TRUB2: variants seen among roughly 807,000 people sequenced by gnomAD.
TRUB2 encodes TruB pseudouridine synthase family member 2.
In TRUB2, 31 loss-of-function variants were observed where a neutral mutation model predicts 31.9. That is an observed-to-expected ratio of 0.97 (90% CI 0.73 to 1.31). TRUB2 has a LOEUF of 1.31. TRUB2 is among the 50% of genes most tolerant of loss of function. The pLI, the probability that TRUB2 is intolerant of heterozygous loss-of-function variation, is 0.00. For missense variants in TRUB2, 451 were observed against 439.6 expected, an observed-to-expected ratio of 1.03 and a Z score of -0.23; for synonymous variants, 201 against 182.6, an observed-to-expected ratio of 1.10 and a Z score of -0.81.
intron 5 of TRUB2, 58 bp from the exon 6 acceptor site, chr9:128,311,659 A>C (rs1487127141): frequency 1.3e-6 from 2 of 1,576,774 alleles, no homozygotes; most frequent in South Asian, 2.2e-5. Flanking sequence ...GGTCACAGCA[A>C]ACTCCTTCCC....
rs1588518057 is a variant in TRUB2 at position 128,308,848 on chromosome 9, C to G, written c.*702G>C. On this transcript the variant is annotated 3_prime_UTR_variant, in exon 8 of 8. Transcript: ENST00000372890. Reference sequence around the variant, plus strand: ...ATCACTTGAACCTGGGAGGCGGAGGCTGCAGTGAGCAAAGATGGCGCCACT... The same window carrying G: ...ATCACTTGAACCTGGGAGGCGGAGGGTGCAGTGAGCAAAGATGGCGCCACT... 6.6e-6 allele frequency: 1 copy of G among 150,550 alleles called. No individual in the cohort carries two copies. Among genetic ancestry groups the G allele is most frequent in the Non-Finnish European group, 1.5e-5 (1 of 67,564 alleles). The allele number at this position is 150,550 out of a possible 1,614,324, so 9.3% of individuals were successfully genotyped here.
intron 2 of TRUB2, among the ~76,000 whole-genome samples, chr9:128,320,977 C>T (rs1370179662): frequency 6.6e-6 from 1 of 152,022 alleles, no homozygotes; most frequent in Non-Finnish European, 1.5e-5. Flanking sequence ...TTAGTAGAGA[C>T]GGGGTTTCAC....
At chr9:128,316,813 G>C (rs1832076546) in intron 3 of TRUB2, 1 of 234,966 alleles carries the variant, frequency 4.3e-6, no homozygotes, top group Non-Finnish European at 8.3e-6. Flanking sequence ...ACTGGCCATG[G>C]GACCCAGAAC....
intron 5 of TRUB2, 148 bp downstream of exon 5, chr9:128,313,660 C>T (rs888389522): frequency 2.7e-5 from 19 of 713,182 alleles, no homozygotes; most frequent in Middle Eastern, 8.1e-4. Flanking sequence ...GAGGATGCTC[C>T]TGGAGCACAG....
At chr9:128,313,397 G>C (rs1248859445) in intron 5 of TRUB2, among the ~76,000 whole-genome samples, 1 of 150,600 alleles carries the variant, frequency 6.6e-6, no homozygotes. Flanking sequence ...AAAGCCGGGC[G>C]TGGTGGCGGG....
At chr9:128,320,081 A>C (rs1832137623) in intron 2 of TRUB2, among the ~76,000 whole-genome samples, 1 of 150,182 alleles carries the variant, frequency 6.7e-6, no homozygotes, top group Non-Finnish European at 1.5e-5. Context: ...ACGCCCGGCT[A>C]ATTTCTTTGT....
In TRUB2 at chr9:128,311,195, G is replaced by A. The variant is rs1422250331; in HGVS notation, c.534-172C>T. 44 of 875,438 alleles carry A rather than the reference G, an allele frequency of 5.0e-5. 1 individual carries two copies. The Admixed American group carries it at 1.1e-3, about 23-fold the overall frequency. 54.2% of individuals were successfully genotyped at this position (875,438 alleles called of 1,614,324 possible). ...GTGCCTGGTAGAGTCAGGAAACCCA[G>A]GCAAGCTGGCTCCAGAGCCCAAGCT... On this transcript the variant is annotated intron_variant, in intron 6 of 7. Transcript: ENST00000372890.
chr9:128,309,759 A>G lies in TRUB2; in HGVS notation c.787T>C (p.Phe263Leu), dbSNP rs1392655089. The change falls in exon 8 of 8, where the codon TTC (phenylalanine) becomes CTC (leucine). Residue 263 changes from phenylalanine to leucine, a missense_variant. Transcript: ENST00000372890. ...CTCAGGAGGGCACTGTCTAGCGTGAAGAAGCCGTCGCGCGTGCGCCGCACT... is the reference window on the plus strand; with the variant it reads ...CTCAGGAGGGCACTGTCTAGCGTGAGGAAGCCGTCGCGCGTGCGCCGCACT... Reference protein sequence around the residue: ...TQVRRTRDGFFTLDSALLRTQ... With the variant: ...TQVRRTRDGFLTLDSALLRTQ... The G allele has an allele frequency of 1.2e-6, 2 of 1,614,134 alleles. No homozygotes were observed. The highest frequency in any genetic ancestry group is 1.3e-5 in the African/African-American group (1 of 74,950).
intron 2 of TRUB2, among the ~76,000 whole-genome samples, chr9:128,318,727 T>G (rs755366017): frequency 2.0e-5 from 3 of 151,402 alleles, no homozygotes; most frequent in Admixed American, 2.0e-4. Context: ...AGAGACGGAG[T>G]TTCATCATGT....
chr9:128,310,690 C>T (rs1446606527), intron 7 of TRUB2, among the ~76,000 whole-genome samples, 197 bp downstream of exon 7: 1 of 152,080 alleles, frequency 6.6e-6, no homozygotes, highest in African/African-American at 2.4e-5. Flanking sequence ...TTTTGTTCTG[C>T]GAGCTCTGTC....
Position 128,307,541 on chromosome 9 carries a change from G to C in TRUB2, c.*2009C>G, listed in dbSNP as rs987093162. On this transcript the variant is annotated 3_prime_UTR_variant, in exon 8 of 8. Transcript: ENST00000372890. ...AGGTCAGGAGTTCCAGACCAGCCTG[G>C]CCAACATAGTGAAACCCTGTCTCTA... 2.0e-5 allele frequency: 3 copies of C among 151,870 alleles called. No homozygotes were observed. Among genetic ancestry groups the C allele is most frequent in the African/African-American group, 7.3e-5 (3 of 41,320 alleles). The allele number at this position is 151,870 out of a possible 1,614,324, so 9.4% of individuals were successfully genotyped here.
In TRUB2 at chr9:128,308,922, T is replaced by G. The variant is rs919466323; in HGVS notation, c.*628A>C. On this transcript the variant is annotated 3_prime_UTR_variant, in exon 8 of 8. Coordinates refer to ENST00000372890, the MANE Select transcript of TRUB2 (RefSeq NM_015679.3). Reference sequence around the variant, plus strand: ...GAAAAACAACAAAAATCATCTCATTTTCATCTGTGTCTTCCAGTATTAAAG... The same window carrying G: ...GAAAAACAACAAAAATCATCTCATTGTCATCTGTGTCTTCCAGTATTAAAG... 6.6e-6 allele frequency: 1 copy of G among 152,056 alleles called. No homozygotes were observed. Among genetic ancestry groups the G allele is most frequent in the Non-Finnish European group, 1.5e-5 (1 of 68,028 alleles). 9.4% of individuals were successfully genotyped at this position (152,056 alleles called of 1,614,324 possible).
intron 7 of TRUB2, among the ~76,000 whole-genome samples, chr9:128,310,494 C>A (rs1479321669): frequency 1.3e-5 from 2 of 151,632 alleles, no homozygotes; most frequent in East Asian, 1.9e-4. Context: ...GGGGCGGGCG[C>A]AGGCAGAGAC....
intron 1 of TRUB2, among the ~76,000 whole-genome samples, chr9:128,322,001 T>G (rs1011157005): frequency 1.3e-5 from 2 of 152,104 alleles, no homozygotes; most frequent in African/African-American, 4.8e-5. Flanking sequence ...AAGTATGATG[T>G]AGAAGACAAA....
intron 4 of TRUB2, among the ~76,000 whole-genome samples, chr9:128,314,709 G>A (rs750018578): frequency 4.6e-5 from 7 of 152,206 alleles, no homozygotes; most frequent in Non-Finnish European, 7.4e-5. Flanking sequence ...AGGAGCCACT[G>A]AGCCCGGCCA....
In TRUB2 at chr9:128,306,148, G is replaced by C. The variant is rs1831861917; in HGVS notation, c.*3402C>G. On this transcript the variant is annotated 3_prime_UTR_variant, in exon 8 of 8. Coordinates refer to ENST00000372890, the MANE Select transcript of TRUB2 (RefSeq NM_015679.3). ...CTCCTTATCCAAGTGATTTGGGGTG[G>C]TATTCCCAGCTGTCTGAGGCTGTAC... The C allele has an allele frequency of 6.6e-6, 1 of 152,070 alleles. No individual in the cohort carries two copies. The highest frequency in any genetic ancestry group is 1.5e-5 in the Non-Finnish European group (1 of 68,020). 9.4% of individuals were successfully genotyped at this position (152,070 alleles called of 1,614,324 possible). A position where few individuals can be genotyped will look rare whatever the true frequency, so the allele number is the denominator to read the frequency against.
In TRUB2 at chr9:128,306,379, G is replaced by C. The variant is rs1205259705; in HGVS notation, c.*3171C>G. 1 of 151,446 alleles carries C rather than the reference G, an allele frequency of 6.6e-6. No individual in the cohort carries two copies. The highest frequency in any genetic ancestry group is 2.4e-5 in the African/African-American group (1 of 41,176). 9.4% of individuals were successfully genotyped at this position (151,446 alleles called of 1,614,324 possible). Reference sequence around the variant, plus strand: ...TGCTGATACCCTCCACTCCCACCCAGCTTTCCTCACCATTTCATTGGATTC... The same window carrying C: ...TGCTGATACCCTCCACTCCCACCCACCTTTCCTCACCATTTCATTGGATTC... On this transcript the variant is annotated 3_prime_UTR_variant, in exon 8 of 8. Coordinates refer to ENST00000372890, the MANE Select transcript of TRUB2 (RefSeq NM_015679.3).
rs749687271 is a variant in TRUB2 at position 128,321,675 on chromosome 9, G to T, written c.165C>A (p.Gly55=). 1 of 1,613,926 alleles carries T rather than the reference G, an allele frequency of 6.2e-7. No individual in the cohort carries two copies. Among genetic ancestry groups the T allele is most frequent in the East Asian group, 2.2e-5 (1 of 44,888 alleles). ...APKQRVRFLL[G]PMEGSEEKEL... is the part of the protein sequence containing the mutation. The stretch of plus-strand genomic sequence containing the variant: ...CCTTCTCTTCGCTGCCTTCCATGGG[G>T]CCCAGCAAGAAGCGAACACGCTGTT... The change falls in exon 2 of 8, where the codon GGC becomes GGA. Residue 55 remains glycine (G), a synonymous_variant. Coordinates refer to ENST00000372890, the MANE Select transcript of TRUB2 (RefSeq NM_015679.3).
At chr9:128,309,949 C>G in intron 7 of TRUB2, 74 bp from the exon 8 acceptor site, 1 of 1,479,902 alleles carries the variant, frequency 6.8e-7, no homozygotes, top group Non-Finnish European at 9.2e-7. Context: ...ACGCACACCC[C>G]TTGGATACCT....
Sources: gnomAD v4.1 joint callset for allele counts (sites outside exome capture counted in the v4.1 genomes callset) on GRCh38, gnomAD v4.1.1 for gene constraint, MANE v1.5 for transcripts, NCBI Gene and HGNC (gene_info 2026-07-23, HGNC 2026-07-21) for gene names.